Variants in ADGRB3 observed in about 807,000 individuals in gnomAD.
The protein encoded by ADGRB3 is brain-specific angiogenesis inhibitor 3.
A neutral mutation model predicts 193.4 loss-of-function variants in ADGRB3; 37 were observed. The ratio of observed to expected loss-of-function variants is 0.19; its 90% CI spans 0.15 to 0.25. The LOEUF is 0.25. ADGRB3 is among the 10% of genes least tolerant of loss of function. The pLI, the probability that ADGRB3 is intolerant of heterozygous loss-of-function variation, is 1.00. For missense variants in ADGRB3, 1,637 were observed against 1,852.9 expected (o/e 0.88, Z 2.14); for synonymous variants, 690 against 644.2 (o/e 1.07, Z -1.08).
intron 20 of ADGRB3, among the ~76,000 whole-genome samples, chr6:69,297,900 C>G (rs1767864154): frequency 6.6e-6 from 1 of 151,958 alleles, no homozygotes; most frequent in African/African-American, 2.4e-5. Flanking sequence ...AAAAACTTGG[C>G]CTTACAAAGA....
At chr6:69,156,607 A>G (rs1774846781) in intron 17 of ADGRB3, among the ~76,000 whole-genome samples, 3 of 152,244 alleles carry the variant, frequency 2.0e-5, no homozygotes, top group Admixed American at 1.3e-4. Context: ...GAGAAGTCAT[A>G]TGAACCCATT....
At chr6:69,185,284 G>T (rs1386656236) in intron 17 of ADGRB3, among the ~76,000 whole-genome samples, 1 of 152,066 alleles carries the variant, frequency 6.6e-6, no homozygotes, top group East Asian at 1.9e-4. Context: ...GAAGAGTACA[G>T]CATAAAAACT....
chr6:68,807,424 T>C (rs1272465511), intron 3 of ADGRB3, among the ~76,000 whole-genome samples: 1 of 151,838 alleles, frequency 6.6e-6, no homozygotes, highest in Non-Finnish European at 1.5e-5. Flanking sequence ...GTATTTTTAG[T>C]AGAGACGGGG....
intron 11 of ADGRB3, among the ~76,000 whole-genome samples, chr6:69,000,508 T>TAGGATAAC (rs70987440): frequency 0.11 from 17,471 of 152,124 alleles, 1,251 homozygotes; most frequent in African/African-American, 0.21. Context: ...ATGTAAGGTA[T>TAGGATAAC]AGGATAACTT....
At chr6:68,963,957 A>G (rs940362861) in intron 8 of ADGRB3, among the ~76,000 whole-genome samples, 2 of 152,174 alleles carry the variant, frequency 1.3e-5, no homozygotes, top group Non-Finnish European at 2.9e-5. Context: ...ATAATAGGTC[A>G]AGCCCTTTTG....
rs951507026 is a variant in ADGRB3, at chr6:68,914,812, A to G, written c.758-15747A>G. ...CTCATCATTAAAGTGATTCTACCTC[A>G]TGTTAATGACTCCATAGGATTACAT... On this transcript the variant is annotated intron_variant, in intron 3 of 31. Transcript: ENST00000370598. 3.3e-5 allele frequency among the ~76,000 whole-genome samples: 5 copies of G among 152,238 alleles called. No individual in the cohort carries two copies. The South Asian group carries it at 1.0e-3, about 32-fold the overall frequency.
At chr6:68,886,397 C>T (rs1765908965) in intron 3 of ADGRB3, among the ~76,000 whole-genome samples, 2 of 151,968 alleles carry the variant, frequency 1.3e-5, no homozygotes, top group Admixed American at 1.3e-4. Context: ...AATAATGACC[C>T]CCATTAATGC....
chr6:69,247,497 CT>C (rs1357358120), intron 20 of ADGRB3, among the ~76,000 whole-genome samples: 16 of 152,124 alleles, frequency 1.1e-4, no homozygotes, highest in Non-Finnish European at 2.2e-4. Context: ...TGCTTGTGTG[CT>C]TTTGCCCTTG....
intron 20 of ADGRB3, among the ~76,000 whole-genome samples, chr6:69,257,728 C>G (rs2127271047): frequency 6.6e-6 from 1 of 152,316 alleles, no homozygotes; most frequent in Admixed American, 6.5e-5. Context: ...GTCTGCATTA[C>G]TGTCTCAAAG....
chr6:69,125,527 G>A (rs1004379813), intron 17 of ADGRB3, among the ~76,000 whole-genome samples: 1 of 151,938 alleles, frequency 6.6e-6, no homozygotes, highest in Admixed American at 6.6e-5. Context: ...GGGCTGGAAG[G>A]GACTGTCTAT....
intron 3 of ADGRB3, among the ~76,000 whole-genome samples, chr6:68,721,255 A>C (rs1305522555): frequency 1.3e-5 from 2 of 151,932 alleles, no homozygotes; most frequent in Non-Finnish European, 2.9e-5. Context: ...GACTGGATTA[A>C]GAAAATGTGG....
chr6:68,931,859 A>T (rs1288237611), intron 4 of ADGRB3, among the ~76,000 whole-genome samples: 1 of 152,148 alleles, frequency 6.6e-6, no homozygotes, highest in Non-Finnish European at 1.5e-5. Context: ...ATTCACTTTT[A>T]GTTTTTTTGA....
chr6:68,949,465 T>C (rs558867307), intron 6 of ADGRB3, among the ~76,000 whole-genome samples: 1 of 152,286 alleles, frequency 6.6e-6, no homozygotes, highest in South Asian at 2.1e-4. Flanking sequence ...TTCTGTTATA[T>C]AGAGCGAGAG....
chr6:68,952,123 A>C (rs1767935915), intron 6 of ADGRB3, among the ~76,000 whole-genome samples: 1 of 152,128 alleles, frequency 6.6e-6, no homozygotes, highest in Non-Finnish European at 1.5e-5. Flanking sequence ...CAGAACTCTT[A>C]ATTTCTACCC....
intron 3 of ADGRB3, among the ~76,000 whole-genome samples, chr6:68,802,062 T>C (rs955639301): frequency 6.6e-6 from 1 of 152,184 alleles, no homozygotes; most frequent in Non-Finnish European, 1.5e-5. Context: ...TGAAATAATA[T>C]AATTTCAATG....
chr6:68,891,993 AC>A (rs1447430495), intron 3 of ADGRB3, among the ~76,000 whole-genome samples: 9 of 152,256 alleles, frequency 5.9e-5, no homozygotes, highest in Admixed American at 4.6e-4. Flanking sequence ...TTCTGTCCAT[AC>A]TGTCCAGTCT....
chr6:68,893,575 T>C (rs560777026), intron 3 of ADGRB3, among the ~76,000 whole-genome samples: 6 of 150,464 alleles, frequency 4.0e-5, no homozygotes, highest in South Asian at 2.1e-4. Context: ...CCCACTGCTA[T>C]GAATGATTTA....
intron 17 of ADGRB3, among the ~76,000 whole-genome samples, chr6:69,159,254 G>A (rs1456781327): frequency 6.6e-6 from 1 of 151,952 alleles, no homozygotes; most frequent in Non-Finnish European, 1.5e-5. Context: ...TCATTATTAA[G>A]TAGAATTTAT....
chr6:69,079,735 T>C (rs1772333879), intron 17 of ADGRB3, among the ~76,000 whole-genome samples: 1 of 152,078 alleles, frequency 6.6e-6, no homozygotes, highest in South Asian at 2.1e-4. Flanking sequence ...AGATCATGCG[T>C]GGTGACTACA....
Sources: gnomAD v4.1 joint callset for allele counts (sites outside exome capture counted in the v4.1 genomes callset) on GRCh38, gnomAD v4.1.1 for gene constraint, MANE v1.5 for transcripts, NCBI Gene and HGNC (gene_info 2026-07-23, HGNC 2026-07-21) for gene names.